USP42: variants seen among roughly 807,000 people sequenced by gnomAD.
USP42 encodes ubiquitin specific peptidase 42.
A neutral mutation model predicts 113.0 loss-of-function variants in USP42; 23 were observed. That is an observed-to-expected ratio of 0.20 (90% CI 0.15 to 0.29). The LOEUF (loss-of-function observed/expected upper bound fraction) is 0.29, where lower values mean the gene tolerates loss of function less well. Among genes scored for constraint, USP42 ranks in the 10% least tolerant of loss-of-function variants. USP42 has a pLI of 1.00. For missense variants in USP42, 2,174 were observed against 1,779.8 expected (o/e 1.22, Z -3.99); for synonymous variants, 933 against 699.0 (o/e 1.33, Z -5.28).
chr7:6,139,542 C>A lies in USP42; in HGVS notation c.656+348C>A. Reference sequence around the variant, plus strand: ...CTGACATTTTCTTTTCTCTGCTGCCCTCCAGCCTGTGTTTATTTCCTGAAC... The same window carrying A: ...CTGACATTTTCTTTTCTCTGCTGCCATCCAGCCTGTGTTTATTTCCTGAAC... On this transcript the variant is annotated intron_variant, in intron 5 of 17. Transcript: ENST00000306177. The surrounding 1 kb of genome is among the most constrained non-coding windows in gnomAD (Gnocchi z 4.5). The A allele has an allele frequency of 4.7e-6, 1 of 212,314 alleles. No homozygotes were observed. The highest frequency in any genetic ancestry group is 9.4e-5 in the South Asian group (1 of 10,676). The allele number at this position is 212,314 out of a possible 1,614,324, so 13.2% of individuals were successfully genotyped here. A position where few individuals can be genotyped will look rare whatever the true frequency, so the allele number is the denominator to read the frequency against.
At chr7:6,149,203 G>A (rs1241431564) in intron 12 of USP42, among the ~76,000 whole-genome samples, 1 of 152,144 alleles carries the variant, frequency 6.6e-6, no homozygotes, top group Non-Finnish European at 1.5e-5. Flanking sequence ...TTGCTCCGAG[G>A]CGAGGGTGAT....
Position 6,153,831 on chromosome 7 carries a change from C to T in USP42, c.2277C>T (p.Ser759=), listed in dbSNP as rs1430582929. 7.1e-6 allele frequency: 11 copies of T among 1,541,720 alleles called. No individual in the cohort carries two copies. Among genetic ancestry groups the T allele is most frequent in the Admixed American group, 4.0e-5 (2 of 50,106 alleles). The change falls in exon 15 of 18, where the codon TCC becomes TCT. Residue 759 remains serine (S), a synonymous_variant. Coordinates refer to ENST00000306177, the MANE Select transcript of USP42 (RefSeq NM_032172.3). ...AGCCTGGCAGCCCCGCCGCCGAATCCCTGGAGGAGCCAGATGCGGCCGCCG... is the reference window on the plus strand; with the variant it reads ...AGCCTGGCAGCCCCGCCGCCGAATCTCTGGAGGAGCCAGATGCGGCCGCCG... The part of the protein sequence containing the change: ...EPQPGSPAAE[S]LEEPDAAAGL...
intron 3 of USP42, among the ~76,000 whole-genome samples, chr7:6,129,735 C>T (rs1195310607): frequency 6.6e-6 from 1 of 151,786 alleles, no homozygotes; most frequent in Non-Finnish European, 1.5e-5. Flanking sequence ...GTGGTGCACA[C>T]CTCTAATCCT....
At chr7:6,155,786 C>T (rs145954253) in intron 15 of USP42, among the ~76,000 whole-genome samples, 1 of 152,302 alleles carries the variant, frequency 6.6e-6, no homozygotes, top group African/African-American at 2.4e-5. Context: ...GGGTGTTGCT[C>T]TGTCACCCAG....
Position 6,139,503 on chromosome 7 carries a change from C to T in USP42, c.656+309C>T. 1 of 242,052 alleles carries T rather than the reference C, an allele frequency of 4.1e-6. No homozygotes were observed. The highest frequency in any genetic ancestry group is 7.9e-6 in the Non-Finnish European group (1 of 126,504). 15.0% of individuals were successfully genotyped at this position (242,052 alleles called of 1,614,324 possible). On this transcript the variant is annotated intron_variant, in intron 5 of 17. Transcript: ENST00000306177. This position sits in a 1 kb window ranked among gnomAD's most constrained non-coding sequence, Gnocchi z 4.5. ...GCAGATCTCAAACTAGCTGCTTCTC[C>T]TTTCTAGTTGTGCCTGACATTTTCT...
chr7:6,142,591 TA>T (rs1781493929), intron 7 of USP42, among the ~76,000 whole-genome samples: 1 of 152,110 alleles, frequency 6.6e-6, no homozygotes, highest in South Asian at 2.1e-4. Context: ...TTTTAAAAAA[TA>T]AGGGGCACGG....
At chr7:6,097,444 G>A in the USP42 span, among the ~76,000 whole-genome samples, 8 of 140,182 alleles carry the variant, frequency 5.7e-5, no homozygotes, top group Non-Finnish European at 1.0e-4. Flanking sequence ...TGAAGACAGA[G>A]CACAGGCTGA....
chr7:6,122,270 CAT>C (rs1780266565), intron 3 of USP42, among the ~76,000 whole-genome samples: 1 of 147,844 alleles, frequency 6.8e-6, no homozygotes, highest in African/African-American at 2.5e-5. Flanking sequence ...GTTGATATGT[CAT>C]GTGTCAGTTT....
chr7:6,141,685 A>G (rs1035929332), intron 7 of USP42, among the ~76,000 whole-genome samples: 3 of 151,888 alleles, frequency 2.0e-5, no homozygotes, highest in Non-Finnish European at 4.4e-5. Flanking sequence ...CAGCCTCCCT[A>G]GTAGCTGGGA....
the USP42 span, among the ~76,000 whole-genome samples, chr7:6,092,050 CTTCTTT>C: frequency 1.4e-5 from 1 of 73,432 alleles, no homozygotes; most frequent in African/African-American, 4.7e-5. Flanking sequence ...TCTTCTTCTT[CTTCTTT>C]CTTCTTCTTC....
chr7:6,135,810 C>T (rs762182643), intron 3 of USP42, 31 bp from the exon 4 acceptor site: 5 of 1,467,444 alleles, frequency 3.4e-6, no homozygotes, highest in Admixed American at 2.1e-5. Flanking sequence ...TTGTATTTTG[C>T]TAATTTGGAG....
rs1782763180 is a variant in USP42, at chr7:6,161,239, C to CTGAT, written c.*722_*725dup. ...TTTGATACAGCGTCTCTTGTCTTCA[C>CTGAT]TGATACTGGAGTCTCCGTTGTCTGC... On this transcript the variant is annotated 3_prime_UTR_variant, in exon 18 of 18. Transcript: ENST00000306177. 2 of 152,594 alleles carry CTGAT rather than the reference C, an allele frequency of 1.3e-5. No individual in the cohort carries two copies. The highest frequency in any genetic ancestry group is 4.8e-5 in the African/African-American group (2 of 41,432). The allele number at this position is 152,594 out of a possible 1,614,324, so 9.5% of individuals were successfully genotyped here. A position where few individuals can be genotyped will look rare whatever the true frequency, so the allele number is the denominator to read the frequency against.
In USP42 at chr7:6,159,613, A is replaced by T; in HGVS notation, c.*36+120A>T. 2 of 1,043,368 alleles carry T rather than the reference A, an allele frequency of 1.9e-6. No homozygotes were observed. Among genetic ancestry groups the T allele is most frequent in the Non-Finnish European group, 2.8e-6 (2 of 710,432 alleles). The allele number at this position is 1,043,368 out of a possible 1,614,324, so 64.6% of individuals were successfully genotyped here. A position where few individuals can be genotyped will look rare whatever the true frequency, so the allele number is the denominator to read the frequency against. On this transcript the variant is annotated intron_variant, in intron 17 of 17. Coordinates refer to ENST00000306177, the MANE Select transcript of USP42 (RefSeq NM_032172.3). This position sits in a 1 kb window ranked among gnomAD's most constrained non-coding sequence, Gnocchi z 4.1. ...TGGGCTCATAGGAGTTGGCAGAGCC[A>T]TGGAGAGGCCCCGGCAGGTTCCCAG...
At position 6,157,210 on chromosome 7, in the gene USP42, T is replaced by C. The variant is rs1782504371; in HGVS notation, c.3943+155T>C. ...GCCCTGCCTGGTCTGGCCTCAGTGC[T>C]CATCCCTGCAGTGTGGTTCCGTTGC... On this transcript the variant is annotated intron_variant, in intron 16 of 17. Coordinates refer to ENST00000306177, the MANE Select transcript of USP42 (RefSeq NM_032172.3). This position sits in a 1 kb window ranked among gnomAD's most constrained non-coding sequence, Gnocchi z 4.1. The C allele has an allele frequency of 2.8e-6, 4 of 1,426,352 alleles. No homozygotes were observed. The African/African-American group carries it at 4.3e-5, about 15-fold the overall frequency. The allele number at this position is 1,426,352 out of a possible 1,614,324, so 88.4% of individuals were successfully genotyped here.
chr7:6,150,720 T>G (rs1430152994), intron 14 of USP42, among the ~76,000 whole-genome samples: 1 of 152,214 alleles, frequency 6.6e-6, no homozygotes, highest in Non-Finnish European at 1.5e-5. Context: ...GGAAACTTGA[T>G]GTACTCACCA....
intron 1 of USP42, among the ~76,000 whole-genome samples, 193 bp downstream of exon 1, chr7:6,105,225 G>A (rs1163251947): frequency 2.1e-5 from 3 of 145,242 alleles, no homozygotes; most frequent in Admixed American, 6.8e-5. Flanking sequence ...GGGCTGCGGC[G>A]CCACCGCCCG....
chr7:6,104,643 G>T (rs1417831063), upstream of USP42, among the ~76,000 whole-genome samples: 1 of 152,158 alleles, frequency 6.6e-6, no homozygotes, highest in Non-Finnish European at 1.5e-5. Context: ...GAAGCACAGG[G>T]CGGAAGGAGC....
chr7:6,156,640 T>G, intron 15 of USP42, 114 bp from the exon 16 acceptor site: 1 of 1,409,334 alleles, frequency 7.1e-7, no homozygotes. Context: ...ATAAGAATTG[T>G]GCGTGTCTGC....
intron 8 of USP42, among the ~76,000 whole-genome samples, chr7:6,143,442 T>C (rs1198851922): frequency 1.3e-5 from 2 of 152,034 alleles, no homozygotes; most frequent in African/African-American, 2.4e-5. Flanking sequence ...GTTCCCAGGG[T>C]TTGGGATAGC....
Sources: allele counts gnomAD v4.1 joint callset (sites outside exome capture counted in the v4.1 genomes callset), GRCh38; gene constraint gnomAD v4.1.1; non-coding constraint Gnocchi (gnomAD v3.1); transcripts MANE v1.5; gene names NCBI Gene and HGNC (gene_info 2026-07-23, HGNC 2026-07-21).